Variants in FANCC observed in about 807,000 individuals in gnomAD.
FANCC encodes the protein Fanconi anemia group C protein.
A neutral mutation model predicts 71.3 loss-of-function variants in FANCC; 55 were observed. That is an observed-to-expected ratio of 0.77 (90% CI 0.62 to 0.97). The LOEUF (loss-of-function observed/expected upper bound fraction) is 0.97. FANCC is among the 50% of genes least tolerant of loss of function. The pLI, the probability that FANCC is intolerant of heterozygous loss-of-function variation, is 0.00. For missense variants in FANCC, 678 were observed against 670.9 expected, an observed-to-expected ratio of 1.01 and a Z score of -0.12; for synonymous variants, 275 against 244.9, an observed-to-expected ratio of 1.12 and a Z score of -1.15.
chr9:95,151,529 CAGT>C (rs1160846771), intron 6 of FANCC, among the ~76,000 whole-genome samples: 1 of 152,176 alleles, frequency 6.6e-6, no homozygotes, highest in Non-Finnish European at 1.5e-5. Flanking sequence ...ATGCCACTAT[CAGT>C]AGGCACTGAG....
At chr9:95,172,981 T>G (rs1793040819) in intron 4 of FANCC, among the ~76,000 whole-genome samples, 1 of 152,146 alleles carries the variant, frequency 6.6e-6, no homozygotes, top group South Asian at 2.1e-4. Context: ...GATTCTATAT[T>G]ATCAAATTAA....
At chr9:95,221,125 C>T (rs1424934883) in intron 4 of FANCC, among the ~76,000 whole-genome samples, 6 of 151,698 alleles carry the variant, frequency 4.0e-5, no homozygotes, top group Non-Finnish European at 5.9e-5. Flanking sequence ...CCAGCTACTC[C>T]GGAAGGCTGA....
rs189048025 is a variant in FANCC at position 95,207,658 on chromosome 9, A to G, written c.345+32991T>C. Among the ~76,000 whole-genome samples, 211 of 152,268 alleles carry G rather than the reference A, an allele frequency of 1.4e-3. 2 individuals are homozygous for G. Among genetic ancestry groups the G allele is most frequent in the African/African-American group, 4.8e-3 (201 of 41,552 alleles). On this transcript the variant is annotated intron_variant, in intron 4 of 14. Transcript: ENST00000289081. The stretch of plus-strand genomic sequence containing the variant: ...TACTCTGACTGAGCAGGTCAGACGG[A>G]CAAATCCCGGGTGCCTTCTCATTGA...
chr9:95,229,688 C>T (rs936446130), intron 4 of FANCC, among the ~76,000 whole-genome samples: 6 of 152,098 alleles, frequency 3.9e-5, no homozygotes, highest in African/African-American at 1.4e-4. Flanking sequence ...GTCACACAGG[C>T]AGCTGAAAAT....
intron 4 of FANCC, among the ~76,000 whole-genome samples, chr9:95,201,461 AT>A (rs2135806297): frequency 1.3e-5 from 2 of 152,362 alleles, no homozygotes; most frequent in South Asian, 4.1e-4. Context: ...AAGCCAAAGA[AT>A]TGAAGGCCTG....
At chr9:95,235,281 T>C (rs1345885228) in intron 4 of FANCC, among the ~76,000 whole-genome samples, 1 of 152,048 alleles carries the variant, frequency 6.6e-6, no homozygotes, top group East Asian at 1.9e-4. Flanking sequence ...TGATGCATGA[T>C]GAAGGTGGCA....
intron 6 of FANCC, among the ~76,000 whole-genome samples, chr9:95,156,845 TA>T (rs1830483813): frequency 6.6e-6 from 1 of 152,238 alleles, no homozygotes; most frequent in African/African-American, 2.4e-5. Flanking sequence ...CTGTCATTAA[TA>T]ATAACAATTA....
intron 4 of FANCC, among the ~76,000 whole-genome samples, chr9:95,215,120 T>C (rs1204727826): frequency 6.6e-6 from 1 of 152,144 alleles, no homozygotes; most frequent in Non-Finnish European, 1.5e-5. Flanking sequence ...AAAAATTAAA[T>C]GGTGTAAACT....
intron 5 of FANCC, among the ~76,000 whole-genome samples, chr9:95,171,818 G>A (rs1413584869): frequency 1.3e-5 from 2 of 152,162 alleles, no homozygotes; most frequent in East Asian, 3.9e-4. Context: ...GAGGCTGATT[G>A]GTTGGTTTAG....
In FANCC at chr9:95,115,036, G is replaced by A. The variant is rs550780240; in HGVS notation, c.1073-326C>T. On this transcript the variant is annotated intron_variant, in intron 11 of 14. Transcript: ENST00000289081. ...GTTCACTGCAGCCCCAACCTCCTGG[G>A]CTCAAGCGATCTTCCTACCTCAGCC... 9.2e-5 allele frequency among the ~76,000 whole-genome samples: 14 copies of A among 152,300 alleles called. No homozygotes were observed. The South Asian group carries it at 2.5e-3, about 27-fold the overall frequency.
intron 4 of FANCC, among the ~76,000 whole-genome samples, chr9:95,229,510 C>T (rs1215492522): frequency 6.6e-6 from 1 of 152,044 alleles, no homozygotes; most frequent in Non-Finnish European, 1.5e-5. Flanking sequence ...AGAGTAAGAG[C>T]AGCCAAGGAT....
chr9:95,171,027 A>T (rs1465104784), intron 6 of FANCC, 52 bp downstream of exon 6: 2 of 1,448,904 alleles, frequency 1.4e-6, no homozygotes, highest in Non-Finnish European at 1.9e-6. Flanking sequence ...TCTCATAACC[A>T]AACTGATACA....
intron 4 of FANCC, among the ~76,000 whole-genome samples, chr9:95,223,487 G>A (rs949372590): frequency 2.0e-5 from 3 of 152,028 alleles, no homozygotes; most frequent in Non-Finnish European, 4.4e-5. Flanking sequence ...TTAACTAATC[G>A]CTTCTGCAAT....
At position 95,107,304 on chromosome 9, in the gene FANCC, A is replaced by T. The variant is rs1248284094; in HGVS notation, c.1330-35T>A. ...AGTATTTCACAGGGGAGAGGTTAGG[A>T]AGAGGCAGGACAGACATACTTCTAG... On this transcript the variant is annotated intron_variant, in intron 13 of 14. Coordinates refer to ENST00000289081, the MANE Select transcript of FANCC (RefSeq NM_000136.3). The T allele has an allele frequency of 2.5e-6, 4 of 1,600,466 alleles. No homozygotes were observed. In the Admixed American group the frequency reaches 5.1e-5, roughly 20 times the overall value.
At chr9:95,136,628 A>G (rs1357067467) in intron 7 of FANCC, among the ~76,000 whole-genome samples, 1 of 152,182 alleles carries the variant, frequency 6.6e-6, no homozygotes, top group Non-Finnish European at 1.5e-5. Flanking sequence ...CTGGGACTAC[A>G]GGTGCACGTC....
intron 4 of FANCC, among the ~76,000 whole-genome samples, chr9:95,234,129 A>G (rs1367375571): frequency 6.6e-6 from 1 of 152,252 alleles, no homozygotes; most frequent in Non-Finnish European, 1.5e-5. Flanking sequence ...GCAACCTAAG[A>G]GAACTGGGAA....
intron 9 of FANCC, among the ~76,000 whole-genome samples, chr9:95,126,217 T>C (rs1825956073): frequency 6.6e-6 from 1 of 152,238 alleles, no homozygotes; most frequent in Admixed American, 6.5e-5. Flanking sequence ...TACCCTTTAT[T>C]CTGAGCTGAG....
At chr9:95,241,287 A>G (rs1376181203) in intron 3 of FANCC, among the ~76,000 whole-genome samples, 1 of 152,228 alleles carries the variant, frequency 6.6e-6, no homozygotes, top group Non-Finnish European at 1.5e-5. Flanking sequence ...ATTGTTTTAA[A>G]ATATATTTCT....
intron 2 of FANCC, among the ~76,000 whole-genome samples, chr9:95,248,499 A>C (rs1416910664): frequency 6.6e-6 from 1 of 152,246 alleles, no homozygotes; most frequent in Non-Finnish European, 1.5e-5. Context: ...GATTAAGGGA[A>C]GAAAAGCTTA....
Sources: gnomAD v4.1 joint callset for allele counts (sites outside exome capture counted in the v4.1 genomes callset) on GRCh38, gnomAD v4.1.1 for gene constraint, MANE v1.5 for transcripts, NCBI Gene and HGNC (gene_info 2026-07-23, HGNC 2026-07-21) for gene names.